The following SUGCT variants were observed in gnomAD, a reference collection of about 807,000 sequenced individuals.
SUGCT encodes succinyl-CoA:glutarate CoA-transferase.
SUGCT carries 41 observed loss-of-function variants against 55.0 expected under a neutral mutation model. The observed-to-expected ratio is 0.74, with a 90% CI of 0.58 to 0.97. The LOEUF is 0.97. SUGCT is among the 50% of genes least tolerant of loss of function. SUGCT has a pLI of 0.00. For missense variants in SUGCT, 568 were observed against 547.8 expected (o/e 1.04, Z -0.37); for synonymous variants, 187 against 200.4 (o/e 0.93, Z 0.56).
chr7:40,868,918 A>T, the SUGCT span, among the ~76,000 whole-genome samples: 1 of 152,242 alleles, frequency 6.6e-6, no homozygotes, highest in African/African-American at 2.4e-5. Flanking sequence ...AAATGCCAAA[A>T]ATAGTACATA....
chr7:40,269,875 G>A (rs1404672530), intron 7 of SUGCT, among the ~76,000 whole-genome samples: 1 of 152,076 alleles, frequency 6.6e-6, no homozygotes, highest in East Asian at 1.9e-4. Context: ...GATCGCTCAT[G>A]CCTTTAATCC....
chr7:40,591,160 G>A (rs1797697589), intron 12 of SUGCT, among the ~76,000 whole-genome samples: 1 of 152,148 alleles, frequency 6.6e-6, no homozygotes, highest in Admixed American at 6.5e-5. Flanking sequence ...CATTCTATAT[G>A]CCATTAAGAA....
chr7:40,571,781 T>C (rs1278806969), intron 12 of SUGCT, among the ~76,000 whole-genome samples: 1 of 152,202 alleles, frequency 6.6e-6, no homozygotes, highest in Non-Finnish European at 1.5e-5. Context: ...AACTAAAGTG[T>C]GAATCTGTGG....
the SUGCT span, among the ~76,000 whole-genome samples, chr7:40,931,755 GA>G: frequency 1.1e-4 from 16 of 152,252 alleles, no homozygotes; most frequent in African/African-American, 3.9e-4. Context: ...ATTTCTGTGG[GA>G]TCAGTGGTGA....
intron 9 of SUGCT, among the ~76,000 whole-genome samples, chr7:40,448,857 T>C (rs550682822): frequency 1.6e-4 from 24 of 150,328 alleles, no homozygotes; most frequent in Middle Eastern, 6.8e-3. Flanking sequence ...ACCAAATACA[T>C]ACACACACAC....
chr7:40,251,271 C>T (rs975709009), intron 7 of SUGCT, among the ~76,000 whole-genome samples: 2 of 152,202 alleles, frequency 1.3e-5, no homozygotes, highest in African/African-American at 2.4e-5. Flanking sequence ...ACTACTTGTA[C>T]TTAGTCAAAG....
intron 9 of SUGCT, among the ~76,000 whole-genome samples, chr7:40,427,659 A>C (rs1787660178): frequency 6.6e-6 from 1 of 152,134 alleles, no homozygotes; most frequent in Non-Finnish European, 1.5e-5. Flanking sequence ...GGGTTCTCCG[A>C]GAAGCAGAAG....
At chr7:40,315,555 T>A (rs373753273) in intron 8 of SUGCT, among the ~76,000 whole-genome samples, 1 of 152,186 alleles carries the variant, frequency 6.6e-6, no homozygotes, top group East Asian at 1.9e-4. Context: ...GTCCCAAGAA[T>A]AAAGTAAAGG....
At chr7:40,533,468 C>T (rs1010969360) in intron 12 of SUGCT, among the ~76,000 whole-genome samples, 2 of 151,918 alleles carry the variant, frequency 1.3e-5, no homozygotes, top group African/African-American at 4.8e-5. Context: ...TATGTTTTTA[C>T]AGTTTTGTAG....
At chr7:40,831,784 C>T (rs569941711) in intron 13 of SUGCT, among the ~76,000 whole-genome samples, 2 of 152,228 alleles carry the variant, frequency 1.3e-5, no homozygotes, top group South Asian at 4.1e-4. Flanking sequence ...TACTATTCAC[C>T]CCAACCCCAG....
intron 13 of SUGCT, among the ~76,000 whole-genome samples, chr7:40,848,399 AGCCACAGCTGTGT>A (rs1793685895): frequency 6.6e-6 from 1 of 152,162 alleles, no homozygotes; most frequent in Non-Finnish European, 1.5e-5. Flanking sequence ...TGGGAAAAAT[AGCCACAGCTGTGT>A]CTATGGCTCG....
intron 1 of SUGCT, among the ~76,000 whole-genome samples, chr7:40,164,754 G>A (rs185906703): frequency 7.6e-4 from 115 of 152,242 alleles, no homozygotes; most frequent in South Asian, 2.1e-3. Flanking sequence ...TAATTAATCC[G>A]TCAATACATA....
At chr7:40,393,255 T>G (rs913488118) in intron 9 of SUGCT, among the ~76,000 whole-genome samples, 1 of 152,156 alleles carries the variant, frequency 6.6e-6, no homozygotes, top group African/African-American at 2.4e-5. Flanking sequence ...AGATGTATAA[T>G]GAGAACCAAT....
the SUGCT span, among the ~76,000 whole-genome samples, chr7:41,017,523 C>A: frequency 6.6e-6 from 1 of 152,124 alleles, no homozygotes; most frequent in Non-Finnish European, 1.5e-5. Flanking sequence ...GTAATCCCAG[C>A]ACTTTGGGAG....
intron 12 of SUGCT, among the ~76,000 whole-genome samples, chr7:40,612,256 A>G (rs1385578344): frequency 6.6e-6 from 1 of 152,206 alleles, no homozygotes; most frequent in Non-Finnish European, 1.5e-5. Context: ...ATGTTCATCT[A>G]TGCAAAGTGC....
intron 12 of SUGCT, among the ~76,000 whole-genome samples, chr7:40,606,307 A>G (rs1184744180): frequency 6.6e-6 from 1 of 152,234 alleles, no homozygotes; most frequent in East Asian, 1.9e-4. Context: ...CACTGATAAC[A>G]GGATGAGCTG....
At chr7:41,023,317 A>G in the SUGCT span, among the ~76,000 whole-genome samples, 1 of 152,200 alleles carries the variant, frequency 6.6e-6, no homozygotes, top group African/African-American at 2.4e-5. Flanking sequence ...TGATGTGTAC[A>G]GAGAAATATG....
chr7:40,873,955 G>A, the SUGCT span, among the ~76,000 whole-genome samples: 206 of 152,314 alleles, frequency 1.4e-3, no homozygotes, highest in African/African-American at 4.6e-3. Context: ...CATCTTCAAA[G>A]GAAAACAAGA....
At chr7:40,894,604 C>G in the SUGCT span, among the ~76,000 whole-genome samples, 8 of 152,034 alleles carry the variant, frequency 5.3e-5, no homozygotes, top group Non-Finnish European at 1.2e-4. Context: ...CTATAAGGAT[C>G]TGAAATCAAC....
Sources: gnomAD v4.1 joint callset for allele counts (sites outside exome capture counted in the v4.1 genomes callset) on GRCh38, gnomAD v4.1.1 for gene constraint, MANE v1.5 for transcripts, NCBI Gene and HGNC (gene_info 2026-07-23, HGNC 2026-07-21) for gene names.